The following ATP6V1H variants were observed in gnomAD, a reference collection of about 807,000 sequenced individuals.
ATP6V1H encodes the protein ATPase H+ transporting V1 subunit H.
Under a neutral mutation model 71.7 loss-of-function variants are expected in ATP6V1H, and 39 were observed. The observed-to-expected ratio is 0.54, with a 90% CI of 0.42 to 0.71. The LOEUF is 0.71. Ranked by LOEUF, ATP6V1H falls within the 30% of genes least tolerant of loss-of-function variation. ATP6V1H has a pLI of 0.00. For missense variants in ATP6V1H, 509 were observed against 594.9 expected (o/e 0.86, Z 1.50); for synonymous variants, 192 against 199.3 (o/e 0.96, Z 0.31).
intron 7 of ATP6V1H, among the ~76,000 whole-genome samples, chr8:53,808,313 C>A (rs1475617071): frequency 1.3e-5 from 2 of 152,240 alleles, no homozygotes; most frequent in Non-Finnish European, 2.9e-5. Context: ...TCCACGCTGT[C>A]CTGCCTTCCT....
At chr8:53,741,505 T>C (rs1187486397) in intron 13 of ATP6V1H, among the ~76,000 whole-genome samples, 1 of 152,238 alleles carries the variant, frequency 6.6e-6, no homozygotes, top group East Asian at 1.9e-4. Context: ...CTGGCAACTA[T>C]AAGCTCATTG....
intron 11 of ATP6V1H, among the ~76,000 whole-genome samples, chr8:53,760,495 T>TG (rs1808233714): frequency 1.3e-5 from 2 of 152,218 alleles, no homozygotes; most frequent in South Asian, 4.1e-4. Context: ...GTCATCCACT[T>TG]GGCCCTCTTC....
At chr8:53,761,829 C>T (rs561677523) in intron 11 of ATP6V1H, among the ~76,000 whole-genome samples, 1 of 152,092 alleles carries the variant, frequency 6.6e-6, no homozygotes, top group African/African-American at 2.4e-5. Flanking sequence ...ATTTAAATGA[C>T]AATAAGAGGA....
rs765510456 is a variant in ATP6V1H at position 53,769,623 on chromosome 8, G to C, written c.1170C>G (p.Leu390=). The C allele has an allele frequency of 6.2e-6, 10 of 1,611,596 alleles. No individual in the cohort carries two copies. The highest frequency in any genetic ancestry group is 7.6e-6 in the Non-Finnish European group (9 of 1,178,890). Residue 390 remains leucine (L), a synonymous_variant, in exon 11 of 14, where the codon CTC becomes CTG. Transcript: ENST00000359530. ...AVRLNEKNYE[L]LKILTKLLEV... ...AAGTAGAACAAAAAACTTACTTCAA[G>C]AGTTCATAATTCTTCTCATTTAACC...
chr8:53,784,429 G>A (rs1809292091), intron 9 of ATP6V1H, among the ~76,000 whole-genome samples: 1 of 152,058 alleles, frequency 6.6e-6, no homozygotes, highest in Non-Finnish European at 1.5e-5. Context: ...GCCTATGTGT[G>A]TCTCTGCACG....
At chr8:53,784,911 T>G (rs1809315338) in intron 9 of ATP6V1H, among the ~76,000 whole-genome samples, 1 of 152,224 alleles carries the variant, frequency 6.6e-6, no homozygotes, top group Non-Finnish European at 1.5e-5. Flanking sequence ...AGATCCACTG[T>G]TAGTCTGATG....
chr8:53,839,667 T>A, intron 2 of ATP6V1H: 5 of 985,444 alleles, frequency 5.1e-6, no homozygotes, highest in Non-Finnish European at 6.0e-6. Context: ...GAGGCAGATA[T>A]GGTCTTCTAA....
At chr8:53,775,309 G>C (rs959557285) in intron 9 of ATP6V1H, among the ~76,000 whole-genome samples, 1 of 152,220 alleles carries the variant, frequency 6.6e-6, no homozygotes, top group Non-Finnish European at 1.5e-5. Context: ...GCAGTAGCAA[G>C]ATTTATTGCA....
intron 9 of ATP6V1H, among the ~76,000 whole-genome samples, chr8:53,789,413 C>T (rs1809494944): frequency 2.0e-5 from 3 of 152,100 alleles, no homozygotes; most frequent in Admixed American, 2.0e-4. Flanking sequence ...TGGCTCACAC[C>T]TGTAATCCCA....
chr8:53,778,023 T>C lies in ATP6V1H; in HGVS notation c.871-5856A>G, dbSNP rs866788228. ...ACCCTGTATTGTAGGGCTTATAACA[T>C]GTAAATACAGTAACATGACAACTGT... On this transcript the variant is annotated intron_variant, in intron 9 of 13. Transcript: ENST00000359530. Among the ~76,000 whole-genome samples the C allele has an allele frequency of 5.9e-5, 9 of 152,320 alleles. No individual in the cohort carries two copies. The South Asian group carries it at 6.2e-4, about 11-fold the overall frequency.
intron 5 of ATP6V1H, among the ~76,000 whole-genome samples, chr8:53,815,954 C>T (rs1402936652): frequency 6.6e-6 from 1 of 152,118 alleles, no homozygotes; most frequent in East Asian, 1.9e-4. Flanking sequence ...TAATAATGAA[C>T]CATTTCCTAA....
chr8:53,800,051 A>C (rs768311558), intron 8 of ATP6V1H, among the ~76,000 whole-genome samples: 2 of 152,226 alleles, frequency 1.3e-5, no homozygotes, highest in Non-Finnish European at 2.9e-5. Context: ...GTGTGTCTAC[A>C]TAACTAACTT....
intron 8 of ATP6V1H, among the ~76,000 whole-genome samples, chr8:53,798,076 T>C (rs1284824819): frequency 6.6e-6 from 1 of 152,204 alleles, no homozygotes; most frequent in Admixed American, 6.5e-5. Context: ...GACTTTCTTG[T>C]GAGGCTAACA....
chr8:53,827,293 G>A (rs1047256099), intron 4 of ATP6V1H, among the ~76,000 whole-genome samples: 2 of 151,938 alleles, frequency 1.3e-5, no homozygotes, highest in Non-Finnish European at 2.9e-5. Context: ...TGAGGCAGGA[G>A]AATCACTTGA....
chr8:53,743,279 A>T (rs988907417), intron 13 of ATP6V1H, among the ~76,000 whole-genome samples: 7 of 152,150 alleles, frequency 4.6e-5, no homozygotes, highest in African/African-American at 1.7e-4. Context: ...CAGTAGTCCA[A>T]CTGCATTCAG....
intron 12 of ATP6V1H, among the ~76,000 whole-genome samples, chr8:53,752,799 C>A (rs1342561967): frequency 1.3e-5 from 2 of 152,182 alleles, no homozygotes; most frequent in Admixed American, 6.5e-5. Context: ...ATCTGCCCCC[C>A]TCAGCCTCCC....
Position 53,763,669 on chromosome 8 carries a change from T to C in ATP6V1H, c.1175+5949A>G, listed in dbSNP as rs557016114. On this transcript the variant is annotated intron_variant, in intron 11 of 13. Coordinates refer to ENST00000359530, the MANE Select transcript of ATP6V1H (RefSeq NM_015941.4). ...GTTTCTGGTACAGCATGTAAAGAGCTTGGAAATCATCACTCCAATCCTCAC... is the reference window on the plus strand; with the variant it reads ...GTTTCTGGTACAGCATGTAAAGAGCCTGGAAATCATCACTCCAATCCTCAC... 1.7e-4 allele frequency among the ~76,000 whole-genome samples: 26 copies of C among 152,176 alleles called. No homozygotes were observed. In the South Asian group the frequency reaches 4.4e-3, roughly 26 times the overall value.
chr8:53,787,312 G>A (rs1404551447), intron 9 of ATP6V1H, among the ~76,000 whole-genome samples: 1 of 152,198 alleles, frequency 6.6e-6, no homozygotes, highest in African/African-American at 2.4e-5. Flanking sequence ...ATAGACTCCA[G>A]AATAAAATTT....
rs111251845 is a variant in ATP6V1H, at chr8:53,828,966, C to T, written c.306+478G>A. Among the ~76,000 whole-genome samples, 17 of 152,188 alleles carry T rather than the reference C, an allele frequency of 1.1e-4. 1 individual carries two copies. Among genetic ancestry groups the T allele is most frequent in the African/African-American group, 4.1e-4 (17 of 41,514 alleles). On this transcript the variant is annotated intron_variant, in intron 4 of 13. Transcript: ENST00000359530. ...TCATAATTGGGTTCAGGGATGGTAA[C>T]GCAGTAAACAGAAACTGTATGCAAC...
Sources: gnomAD v4.1 joint callset for allele counts (sites outside exome capture counted in the v4.1 genomes callset) on GRCh38, gnomAD v4.1.1 for gene constraint, MANE v1.5 for transcripts, NCBI Gene and HGNC (gene_info 2026-07-23, HGNC 2026-07-21) for gene names.